COL6A3: variants seen among roughly 807,000 people sequenced by gnomAD.
The protein encoded by COL6A3 is collagen alpha-3(VI) chain.
A neutral mutation model predicts 274.1 loss-of-function variants in COL6A3; 137 were observed. The ratio of observed to expected loss-of-function variants is 0.50; its 90% confidence interval spans 0.44 to 0.58. The LOEUF (loss-of-function observed/expected upper bound fraction) is 0.58, where lower values mean the gene tolerates loss of function less well. Among genes scored for constraint, COL6A3 ranks in the 20% least tolerant of loss-of-function variants. The probability of loss-of-function intolerance (pLI) is 0.00; values close to 1 mark genes in which losing one functional copy is unlikely to be tolerated. For synonymous variants in COL6A3, 1,650 were observed against 1,650.6 expected, an observed-to-expected ratio of 1.00 and a Z score of 0.01; for missense variants, 3,950 against 4,124.9, an observed-to-expected ratio of 0.96 and a Z score of 1.16.
At chr2:237,412,318 G>T (rs1287930849) in intron 1 of COL6A3, among the ~76,000 whole-genome samples, 2 of 152,210 alleles carry the variant, frequency 1.3e-5, no homozygotes, top group Non-Finnish European at 2.9e-5. Context: ...CCGCCCCACG[G>T]TCCACCTCCC....
intron 14 of COL6A3, among the ~76,000 whole-genome samples, chr2:237,363,037 G>C (rs1320562260): frequency 1.3e-5 from 2 of 152,070 alleles, no homozygotes; most frequent in African/African-American, 4.8e-5. Flanking sequence ...TCCCCTTCCA[G>C]CTCGCTGGAT....
At chr2:237,334,575 TGA>T (rs1700432450) in intron 41 of COL6A3, 49 bp downstream of exon 41, 1 of 1,593,942 alleles carries the variant, frequency 6.3e-7, no homozygotes, top group African/African-American at 1.3e-5. Flanking sequence ...GTGTCCTATT[TGA>T]TACTCTACAT....
intron 4 of COL6A3, 72 bp from the exon 5 acceptor site, chr2:237,381,571 G>C: frequency 7.9e-7 from 1 of 1,261,400 alleles, no homozygotes; most frequent in Non-Finnish European, 1.1e-6. Context: ...TTTCAACAAA[G>C]CTAACTCCAT....
chr2:237,403,383 C>T (rs1449519334), intron 1 of COL6A3, among the ~76,000 whole-genome samples: 2 of 152,108 alleles, frequency 1.3e-5, no homozygotes, highest in Non-Finnish European at 2.9e-5. Flanking sequence ...AAAAGTACCA[C>T]CTGTGATGAA....
rs1221443272 is a variant in COL6A3, at chr2:237,351,142, T to C, written c.6804A>G (p.Pro2268=). ...TCTAAAGACAAACCTTTCTTCCCAGTGGACCGGTTCTGCCTCGTTCTCCAG... is the reference window on the plus strand; with the variant it reads ...TCTAAAGACAAACCTTTCTTCCCAGCGGACCGGTTCTGCCTCGTTCTCCAG... ...GAPGERGRTG[P]LGRKGEPGEP... Residue 2268 remains proline (P), a synonymous_variant, in exon 27 of 44, where the codon CCA becomes CCG. Transcript: ENST00000295550. The C allele has an allele frequency of 6.2e-7, 1 of 1,614,242 alleles. No individual in the cohort carries two copies. The highest frequency in any genetic ancestry group is 8.5e-7 in the Non-Finnish European group (1 of 1,180,036).
chr2:237,388,175 G>T lies in COL6A3; in HGVS notation c.719C>A (p.Ser240Tyr). The change falls in exon 4 of 44, where the codon TCT (serine) becomes TAT (tyrosine). Residue 240 changes from serine to tyrosine, a missense_variant. By Grantham distance (144) the Ser-to-Tyr change is moderately radical. Transcript: ENST00000295550. ...ATCAATAAGGAAAATAATGTCAGCA[G>T]AGTCTTGTGCTTTAAAAGAAAGAAA... ...ETLKDITAQD[S>Y]ADIIFLIDGS... 6.2e-7 allele frequency: 1 copy of T among 1,614,046 alleles called. No homozygotes were observed. The highest frequency in any genetic ancestry group is 8.5e-7 in the Non-Finnish European group (1 of 1,180,036).
intron 31 of COL6A3, among the ~76,000 whole-genome samples, chr2:237,347,451 A>G (rs2077119347): frequency 6.6e-6 from 1 of 152,026 alleles, no homozygotes. Context: ...TGCCTCATTC[A>G]CTCCCATTGC....
chr2:237,365,625 G>A (rs2106348932), intron 12 of COL6A3, 73 bp downstream of exon 12: 1 of 1,321,402 alleles, frequency 7.6e-7, no homozygotes, highest in East Asian at 2.3e-5. Flanking sequence ...TAACTTGGGG[G>A]AAGGGCTTCC....
intron 36 of COL6A3, chr2:237,343,841 G>A (rs183262923): frequency 4.5e-6 from 1 of 220,854 alleles, no homozygotes; most frequent in East Asian, 1.1e-4. Flanking sequence ...TAATGGACTA[G>A]GGTCCTAGCC....
Position 237,387,701 on chromosome 2 carries a change from A to G in COL6A3, c.1193T>C (p.Leu398Ser). The G allele has an allele frequency of 4.3e-6, 7 of 1,614,012 alleles. No homozygotes were observed. The highest frequency in any genetic ancestry group is 5.9e-6 in the Non-Finnish European group (7 of 1,179,968). The change falls in exon 4 of 44, where the codon TTG becomes TCG. Residue 398 changes from leucine to serine, a missense_variant. Around this residue, in one of 5 missense-constraint regions of COL6A3, gnomAD observed 1,934 missense variants for 1,984.3 expected, o/e 0.97. Transcript: ENST00000295550. The part of the protein sequence containing the change: ...ELQHIATDDN[L>S]VFTVPEFRSF... Reference sequence around the variant, plus strand: ...ACGGAATTCCGGGACAGTAAACACCAAGTTGTCATCGGTAGCTATGTGCTG... The same window carrying G: ...ACGGAATTCCGGGACAGTAAACACCGAGTTGTCATCGGTAGCTATGTGCTG...
In COL6A3 at chr2:237,331,414, G is replaced by C. The variant is rs550297061; in HGVS notation, c.9328+2036C>G. On this transcript the variant is annotated intron_variant, in intron 42 of 43. Transcript: ENST00000295550. Reference sequence around the variant, plus strand: ...GAGGGGAGGGAGAGAGGTTGGTAGGGGTGGGGAGGATAAGGATTCCTCTCC... The same window carrying C: ...GAGGGGAGGGAGAGAGGTTGGTAGGCGTGGGGAGGATAAGGATTCCTCTCC... Among the ~76,000 whole-genome samples the C allele has an allele frequency of 3.8e-3, 581 of 152,166 alleles. 5 individuals are homozygous for C. Among genetic ancestry groups the C allele is most frequent in the African/African-American group, 0.013 (521 of 41,522 alleles).
At chr2:237,370,318 A>C (rs1384866475) in intron 9 of COL6A3, among the ~76,000 whole-genome samples, 1 of 151,248 alleles carries the variant, frequency 6.6e-6, no homozygotes, top group Non-Finnish European at 1.5e-5. Context: ...GGCTCACTGC[A>C]ACCTCTGCCT....
rs1033776292 is a variant in COL6A3 at position 237,368,390 on chromosome 2, T to C, written c.4900+173A>G. Among the ~76,000 whole-genome samples the C allele has an allele frequency of 2.6e-5, 4 of 152,230 alleles. No individual in the cohort carries two copies. Among genetic ancestry groups the C allele is most frequent in the African/African-American group, 9.6e-5 (4 of 41,462 alleles). ...CAGGAGTGATGGAAGATCAATAATA[T>C]GCTTCCTTCTGCAATTTCAATGGAA... is the stretch of plus-strand genomic sequence containing the variant. On this transcript the variant is annotated intron_variant, in intron 10 of 43. Transcript: ENST00000295550. This position sits in a 1 kb window ranked among gnomAD's most constrained non-coding sequence, Gnocchi z 4.4.
intron 23 of COL6A3, chr2:237,355,463 G>C (rs2077298105): frequency 6.5e-6 from 1 of 153,196 alleles, no homozygotes; most frequent in African/African-American, 2.4e-5. Context: ...CGTGTACTTA[G>C]GTAGGGCTCA....
At position 237,361,770 on chromosome 2, in the gene COL6A3, T is replaced by G; in HGVS notation, c.6125A>C (p.Asp2042Ala). The G allele has an allele frequency of 6.2e-7, 1 of 1,614,048 alleles. No homozygotes were observed. Among genetic ancestry groups the G allele is most frequent in the Non-Finnish European group, 8.5e-7 (1 of 1,180,016 alleles). Reference protein sequence around the residue: ...VPCKCSGQRGDRGPIGSIGPK... With the variant: ...VPCKCSGQRGARGPIGSIGPK... ...CCCGATGCTGCCGATGGGCCCGCGG[T>G]CTCCCCTCTGCCCAGAGCACTTGCA... is the stretch of plus-strand genomic sequence containing the variant. The change falls in exon 15 of 44, where the codon GAC becomes GCC. Residue 2042 changes from aspartate to alanine, a missense_variant. Asp to Ala is a moderately radical substitution (Grantham distance 126). Coordinates refer to ENST00000295550, the MANE Select transcript of COL6A3 (RefSeq NM_004369.4). The surrounding 1 kb of genome is among the most constrained non-coding windows in gnomAD (Gnocchi z 5.1).
At chr2:237,343,332 CT>C (rs2077028326) in intron 36 of COL6A3, 1 of 112,656 alleles carries the variant, frequency 8.9e-6, no homozygotes. Flanking sequence ...CCCGTCTCTA[CT>C]AAAAAAAAAA....
chr2:237,367,143 G>T lies in COL6A3; in HGVS notation c.5044C>A (p.Gln1682Lys). ...TCGTCAGTGGGGTCAGAGTTGTACT[G>T]GACAAGCCCCACTTGGATGGAGTCG... is the stretch of plus-strand genomic sequence containing the variant. ...DGDSIQVGLVQYNSDPTDEFF... is the reference protein window; with the variant it reads ...DGDSIQVGLVKYNSDPTDEFF... Residue 1682 changes from glutamine (Q) to lysine (K), a missense_variant, in exon 11 of 44, where the codon CAG becomes AAG. Gln to Lys is a moderately conservative substitution (Grantham distance 53). This residue lies in a region of COL6A3 where 632 missense variants were observed against 623.4 expected (regional missense o/e 1.01). Transcript: ENST00000295550. 1 of 1,614,200 alleles carries T rather than the reference G, an allele frequency of 6.2e-7. No individual in the cohort carries two copies. The highest frequency in any genetic ancestry group is 8.5e-7 in the Non-Finnish European group (1 of 1,180,046).
intron 10 of COL6A3, among the ~76,000 whole-genome samples, chr2:237,367,781 C>T (rs2077588759): frequency 6.6e-6 from 1 of 152,144 alleles, no homozygotes; most frequent in African/African-American, 2.4e-5. Flanking sequence ...GCCCCTTAAC[C>T]TTTGGATGAT....
rs761508655 is a variant in COL6A3, at chr2:237,347,848, G to A, written c.6988C>T (p.Leu2330=). Residue 2330 remains leucine, a synonymous_variant, in exon 31 of 44, where the codon CTA becomes TTA. Transcript: ENST00000295550. ...GPKGNPGEPG[L]NGTTGPKGIR... is the part of the protein sequence containing the mutation. ...CCTTTGGGTCCTGTTGTTCCATTTA[G>A]CCCAGGTTCACCTGGGTTACCCTGG... 2 of 1,610,996 alleles carry A rather than the reference G, an allele frequency of 1.2e-6. No homozygotes were observed. Among genetic ancestry groups the A allele is most frequent in the Non-Finnish European group, 1.7e-6 (2 of 1,178,560 alleles).
Sources: allele counts gnomAD v4.1 joint callset (sites outside exome capture counted in the v4.1 genomes callset), GRCh38; gene constraint gnomAD v4.1.1; regional missense constraint gnomAD v4.1.1; non-coding constraint Gnocchi (gnomAD v3.1); transcripts MANE v1.5; gene names NCBI Gene and HGNC (gene_info 2026-07-23, HGNC 2026-07-21).